The following ITFG1 variants were observed in gnomAD, a reference collection of about 807,000 sequenced individuals.
The protein encoded by ITFG1 is T-cell immunomodulatory protein.
In ITFG1, 34 loss-of-function variants were observed where a neutral mutation model predicts 81.8. The observed-to-expected ratio is 0.42, with a 90% CI of 0.32 to 0.55. The LOEUF (loss-of-function observed/expected upper bound fraction) is 0.55, where lower values mean the gene tolerates loss of function less well. Ranked by LOEUF, ITFG1 falls within the 20% of genes least tolerant of loss-of-function variation. The pLI is 0.17. For missense variants in ITFG1, 672 were observed against 755.4 expected (o/e 0.89, Z 1.29); for synonymous variants, 285 against 270.6 (o/e 1.05, Z -0.52).
intron 8 of ITFG1, among the ~76,000 whole-genome samples, chr16:47,365,355 G>A (rs776651099): frequency 1.3e-5 from 2 of 152,108 alleles, no homozygotes; most frequent in East Asian, 1.9e-4. Context: ...TCCTCTTTTG[G>A]GTAATTCATA....
intron 14 of ITFG1, among the ~76,000 whole-genome samples, chr16:47,198,308 G>T (rs1965382757): frequency 6.6e-6 from 1 of 152,128 alleles, no homozygotes; most frequent in African/African-American, 2.4e-5. Context: ...AAAGATGGTG[G>T]TCCCATAAAA....
chr16:47,201,735 T>C lies in ITFG1; in HGVS notation c.1453+17133A>G, dbSNP rs148392975. 7.5e-3 allele frequency among the ~76,000 whole-genome samples: 1,147 copies of C among 152,308 alleles called. 19 individuals are homozygous for C. The highest frequency in any genetic ancestry group is 0.026 in the African/African-American group (1,087 of 41,562). On this transcript the variant is annotated intron_variant, in intron 14 of 17. Coordinates refer to ENST00000320640, the MANE Select transcript of ITFG1 (RefSeq NM_030790.5). ...GCACTCTATATATGTTATCTTACAATTAATCATGTTATAATCTTTTCTGAC... is the reference window on the plus strand; with the variant it reads ...GCACTCTATATATGTTATCTTACAACTAATCATGTTATAATCTTTTCTGAC...
At chr16:47,187,425 T>C (rs1035288142) in intron 14 of ITFG1, among the ~76,000 whole-genome samples, 11 of 151,964 alleles carry the variant, frequency 7.2e-5, no homozygotes, top group Admixed American at 3.3e-4. Context: ...TATAGATCAA[T>C]GGAACAGAAC....
In ITFG1 at chr16:47,443,710, G is replaced by A. The variant is rs181388851; in HGVS notation, c.560+7686C>T. On this transcript the variant is annotated intron_variant, in intron 5 of 17. Coordinates refer to ENST00000320640, the MANE Select transcript of ITFG1 (RefSeq NM_030790.5). The stretch of plus-strand genomic sequence containing the variant: ...GAGAACTGAACAAAGAGAACACATG[G>A]ACAGAGGAAGGGGAACATCACATAC... 2.0e-3 allele frequency among the ~76,000 whole-genome samples: 310 copies of A among 152,180 alleles called. 4 individuals carry two copies. Among genetic ancestry groups the A allele is most frequent in the Non-Finnish European group, 2.8e-4 (19 of 68,012 alleles).
chr16:47,382,289 C>T (rs78137888), intron 6 of ITFG1, among the ~76,000 whole-genome samples: 294 of 152,196 alleles, frequency 1.9e-3, no homozygotes, highest in Middle Eastern at 3.4e-3. Context: ...AATAATTCTG[C>T]CAGATCATAT....
intron 6 of ITFG1, among the ~76,000 whole-genome samples, chr16:47,420,281 A>G (rs369584162): frequency 6.6e-6 from 1 of 152,178 alleles, no homozygotes; most frequent in East Asian, 1.9e-4. Context: ...TGGAAAAGTA[A>G]TAATATTCTG....
chr16:47,207,907 G>A (rs1456107774), intron 14 of ITFG1, among the ~76,000 whole-genome samples: 1 of 151,158 alleles, frequency 6.6e-6, no homozygotes, highest in Admixed American at 6.6e-5. Context: ...TTCAATAAAT[G>A]CTTACGAGAT....
chr16:47,257,851 G>A (rs968833409), intron 12 of ITFG1, among the ~76,000 whole-genome samples: 1 of 152,182 alleles, frequency 6.6e-6, no homozygotes, highest in African/African-American at 2.4e-5. Context: ...CTAAAAGAGA[G>A]AAATGTCTGA....
chr16:47,276,479 A>G (rs918098047), intron 10 of ITFG1, among the ~76,000 whole-genome samples: 1 of 152,216 alleles, frequency 6.6e-6, no homozygotes, highest in Non-Finnish European at 1.5e-5. Flanking sequence ...AATCAAATCA[A>G]TCAAGAAGTC....
At chr16:47,310,671 C>A (rs574717146) in intron 10 of ITFG1, among the ~76,000 whole-genome samples, 2 of 152,130 alleles carry the variant, frequency 1.3e-5, no homozygotes, top group African/African-American at 2.4e-5. Flanking sequence ...AGTGTCATTA[C>A]AAAACAAGCA....
intron 14 of ITFG1, among the ~76,000 whole-genome samples, chr16:47,186,515 G>A (rs1286917371): frequency 3.3e-5 from 5 of 152,126 alleles, no homozygotes; most frequent in East Asian, 1.9e-4. Context: ...AAAACCACAC[G>A]ATTATCTCAA....
At chr16:47,270,202 T>C (rs1966323029) in intron 10 of ITFG1, among the ~76,000 whole-genome samples, 1 of 152,116 alleles carries the variant, frequency 6.6e-6, no homozygotes, top group Non-Finnish European at 1.5e-5. Flanking sequence ...AAAATTGAAA[T>C]ATGGTACTTT....
At chr16:47,320,589 T>C (rs568437599) in intron 8 of ITFG1, among the ~76,000 whole-genome samples, 36 of 152,356 alleles carry the variant, frequency 2.4e-4, no homozygotes, top group Admixed American at 5.2e-4. Flanking sequence ...TCTTTCACTT[T>C]GTCTTTTATC....
intron 14 of ITFG1, among the ~76,000 whole-genome samples, chr16:47,189,617 G>A (rs907352352): frequency 2.0e-5 from 3 of 152,112 alleles, no homozygotes; most frequent in East Asian, 1.9e-4. Flanking sequence ...TGGGCATTTC[G>A]TCTGTTTCCA....
intron 14 of ITFG1, among the ~76,000 whole-genome samples, chr16:47,179,881 G>A (rs1234443685): frequency 2.0e-5 from 3 of 152,098 alleles, no homozygotes; most frequent in Admixed American, 1.3e-4. Context: ...TTAAAACGAC[G>A]GTTGTCCTCT....
intron 5 of ITFG1, among the ~76,000 whole-genome samples, chr16:47,432,737 T>C (rs193066567): frequency 6.6e-6 from 1 of 152,348 alleles, no homozygotes; most frequent in East Asian, 1.9e-4. Flanking sequence ...TCTTTCACCA[T>C]ATACAAGGTT....
intron 6 of ITFG1, among the ~76,000 whole-genome samples, chr16:47,412,089 C>T (rs1968818406): frequency 1.3e-5 from 2 of 152,002 alleles, no homozygotes; most frequent in South Asian, 4.1e-4. Flanking sequence ...AAGGGAAATA[C>T]AGAACATAAA....
intron 11 of ITFG1, among the ~76,000 whole-genome samples, chr16:47,260,106 T>G (rs1966190952): frequency 6.6e-6 from 1 of 151,936 alleles, no homozygotes; most frequent in Non-Finnish European, 1.5e-5. Context: ...GCCCGGCTAA[T>G]TTTTGTATTT....
chr16:47,297,709 G>T (rs1427480537), intron 10 of ITFG1, among the ~76,000 whole-genome samples: 2 of 149,922 alleles, frequency 1.3e-5, no homozygotes, highest in African/African-American at 4.9e-5. Context: ...CTCACATTGA[G>T]AAGTCCACTG....
Sources: gnomAD v4.1 joint callset for allele counts (sites outside exome capture counted in the v4.1 genomes callset) on GRCh38, gnomAD v4.1.1 for gene constraint, MANE v1.5 for transcripts, NCBI Gene and HGNC (gene_info 2026-07-23, HGNC 2026-07-21) for gene names.